THSD7A: variants seen among roughly 807,000 people sequenced by gnomAD.
The protein encoded by THSD7A is thrombospondin type 1 domain containing 7A, also known as thrombospondin type-1 domain-containing protein 7A.
In THSD7A, 96 loss-of-function variants were observed where a neutral mutation model predicts 231.3. That is an observed-to-expected ratio of 0.41 (90% CI 0.35 to 0.49). The LOEUF is 0.49. THSD7A is among the 20% of genes least tolerant of loss of function. The pLI, the probability that THSD7A is intolerant of heterozygous loss-of-function variation, is 0.05. For synonymous variants in THSD7A, 940 were observed against 743.3 expected (o/e 1.26, Z -4.30); for missense variants, 2,290 against 2,070.2 (o/e 1.11, Z -2.06).
rs1289225186 is a variant in THSD7A, at chr7:11,637,939, T to C, written c.191-978A>G. Among the ~76,000 whole-genome samples the C allele has an allele frequency of 6.6e-6, 1 of 152,154 alleles. No homozygotes were observed. Among genetic ancestry groups the C allele is most frequent in the Non-Finnish European group, 1.5e-5 (1 of 68,020 alleles). ...TTTGGAATCATAAAGAAACTTAAAG[T>C]TCATGTAAGTACATGATTTTCAAAA... is the stretch of plus-strand genomic sequence containing the variant. On this transcript the variant is annotated intron_variant, in intron 1 of 27. Transcript: ENST00000423059. This position sits in a 1 kb window ranked among gnomAD's most constrained non-coding sequence, Gnocchi z 4.2.
At chr7:11,410,657 TA>T (rs1312385467) in intron 19 of THSD7A, 7 of 152,394 alleles carry the variant, frequency 4.6e-5, no homozygotes, top group African/African-American at 1.7e-4. Flanking sequence ...ATCAATTAGA[TA>T]ATACCAGTTA....
At chr7:11,806,034 G>A (rs566173165) in intron 1 of THSD7A, among the ~76,000 whole-genome samples, 26 of 152,234 alleles carry the variant, frequency 1.7e-4, no homozygotes, top group African/African-American at 6.3e-4. Flanking sequence ...AACAAAAGTA[G>A]TTCTAATTGT....
intron 18 of THSD7A, 23 bp downstream of exon 18, chr7:11,412,631 CGT>C: frequency 2.5e-6 from 4 of 1,612,910 alleles, no homozygotes; most frequent in Non-Finnish European, 3.4e-6. Context: ...GACTTAACTC[CGT>C]GATCAGATGA....
chr7:11,653,242 A>G (rs1782575244), intron 1 of THSD7A, among the ~76,000 whole-genome samples: 1 of 151,552 alleles, frequency 6.6e-6, no homozygotes, highest in East Asian at 1.9e-4. Context: ...TCAAAATTTG[A>G]GAATTTAAGA....
intron 1 of THSD7A, among the ~76,000 whole-genome samples, chr7:11,777,830 A>T (rs917122936): frequency 3.9e-5 from 6 of 152,134 alleles, no homozygotes; most frequent in Admixed American, 2.6e-4. Context: ...CCATGGAGGC[A>T]GGCAAAACTG....
At chr7:11,398,484 G>T (rs1391350302) in intron 23 of THSD7A, among the ~76,000 whole-genome samples, 2 of 152,018 alleles carry the variant, frequency 1.3e-5, no homozygotes, top group Non-Finnish European at 2.9e-5. Flanking sequence ...CATGGCATGT[G>T]TATACCTGTG....
At chr7:11,567,877 C>G (rs1472503105) in intron 4 of THSD7A, among the ~76,000 whole-genome samples, 1 of 152,134 alleles carries the variant, frequency 6.6e-6, no homozygotes, top group Non-Finnish European at 1.5e-5. Context: ...TAAGCTCTTC[C>G]TTTACTTAAA....
chr7:11,750,935 T>C (rs1283701890), intron 1 of THSD7A, among the ~76,000 whole-genome samples: 4 of 151,960 alleles, frequency 2.6e-5, no homozygotes, highest in Non-Finnish European at 4.4e-5. Context: ...TAAATTTCAG[T>C]TAAGGGGTAA....
rs995669798 is a variant in THSD7A at position 11,823,129 on chromosome 7, A to G, written c.190+8628T>C. ...TAATCCCTCTTGGGTAGATTTTTGT[A>G]TGTAATGAGAGATAGGGGTCTAGTT... is the stretch of plus-strand genomic sequence containing the variant. On this transcript the variant is annotated intron_variant, in intron 1 of 27. Transcript: ENST00000423059. Among the ~76,000 whole-genome samples the G allele has an allele frequency of 2.6e-5, 4 of 152,020 alleles. No homozygotes were observed. In the South Asian group the frequency reaches 8.3e-4, roughly 31 times the overall value.
rs1180045128 is a variant in THSD7A at position 11,403,575 on chromosome 7, T to C, written c.4238-1607A>G. ...AAAAAAATTCCTGTCAATATGAATG[T>C]AATAAAATTTCACCTCAGTGATTGA... is the stretch of plus-strand genomic sequence containing the variant. On this transcript the variant is annotated intron_variant, in intron 22 of 27. Coordinates refer to ENST00000423059, the MANE Select transcript of THSD7A (RefSeq NM_015204.3). Among the ~76,000 whole-genome samples, 5 of 152,246 alleles carry C rather than the reference T, an allele frequency of 3.3e-5. No individual in the cohort carries two copies. In the East Asian group the frequency reaches 9.6e-4, roughly 29 times the overall value.
At chr7:11,768,091 G>A (rs555593784) in intron 1 of THSD7A, among the ~76,000 whole-genome samples, 7 of 152,244 alleles carry the variant, frequency 4.6e-5, no homozygotes, top group African/African-American at 1.7e-4. Context: ...TATCTGATAA[G>A]TAATGTGCAA....
Position 11,474,890 on chromosome 7 carries a change from C to G in THSD7A, c.2018-322G>C, listed in dbSNP as rs1786094440. ...TAGTATAACTGGGATTCAAGGAGTA[C>G]AATTTCACTACTTTTTGGAGTCTGA... On this transcript the variant is annotated intron_variant, in intron 7 of 27. Coordinates refer to ENST00000423059, the MANE Select transcript of THSD7A (RefSeq NM_015204.3). The surrounding 1 kb of genome is among the most constrained non-coding windows in gnomAD (Gnocchi z 4.1). Among the ~76,000 whole-genome samples the G allele has an allele frequency of 6.6e-6, 1 of 152,028 alleles. No homozygotes were observed. The highest frequency in any genetic ancestry group is 2.1e-4 in the South Asian group (1 of 4,824).
In THSD7A at chr7:11,401,878, A is replaced by G; in HGVS notation, c.4328T>C (p.Val1443Ala). The G allele has an allele frequency of 6.2e-7, 1 of 1,613,942 alleles. No individual in the cohort carries two copies. Among genetic ancestry groups the G allele is most frequent in the South Asian group, 1.1e-5 (1 of 91,086 alleles). ...GEDLGFGGIQVRSRPVIIQEL... is the reference protein window; with the variant it reads ...GEDLGFGGIQARSRPVIIQEL... Reference sequence around the variant, plus strand: ...TTGTATAATCACCGGTCTGGATCTGACCTGTATTCCACCAAAGCCTAGATC... The same window carrying G: ...TTGTATAATCACCGGTCTGGATCTGGCCTGTATTCCACCAAAGCCTAGATC... Residue 1443 changes from valine to alanine, a missense_variant, in exon 23 of 28, where the codon GTC becomes GCC. Transcript: ENST00000423059.
intron 1 of THSD7A, among the ~76,000 whole-genome samples, chr7:11,779,038 A>G (rs1231074988): frequency 6.6e-6 from 1 of 152,136 alleles, no homozygotes; most frequent in Non-Finnish European, 1.5e-5. Flanking sequence ...TTCTGTGGTG[A>G]TTTCCTAGGT....
chr7:11,811,342 A>C (rs1340012070), intron 1 of THSD7A, among the ~76,000 whole-genome samples: 1 of 152,200 alleles, frequency 6.6e-6, no homozygotes, highest in Non-Finnish European at 1.5e-5. Flanking sequence ...TTTTATACTT[A>C]AGGAGTAAAA....
chr7:11,812,442 T>C (rs893746641), intron 1 of THSD7A, among the ~76,000 whole-genome samples: 1 of 152,164 alleles, frequency 6.6e-6, no homozygotes, highest in Non-Finnish European at 1.5e-5. Context: ...TATTTAATTA[T>C]AGGGCAACGG....
At chr7:11,622,366 T>C (rs1781339302) in intron 2 of THSD7A, among the ~76,000 whole-genome samples, 1 of 152,080 alleles carries the variant, frequency 6.6e-6, no homozygotes, top group South Asian at 2.1e-4. Context: ...TTTATTATTA[T>C]TAATAAAATT....
chr7:11,397,097 A>C (rs1184573962), intron 23 of THSD7A, among the ~76,000 whole-genome samples: 1 of 152,072 alleles, frequency 6.6e-6, no homozygotes, highest in Admixed American at 6.6e-5. Flanking sequence ...CATGCTAAAA[A>C]CTCTCAATAA....
chr7:11,474,586 GA>G lies in THSD7A; in HGVS notation c.2018-19del, dbSNP rs1562639046. ...AATTCCACCTAAAAACATGGACAATGATAGCAAATTAGATACGGTGCCAACA... is the reference window on the plus strand; with the variant it reads ...AATTCCACCTAAAAACATGGACAATGTAGCAAATTAGATACGGTGCCAACA... On this transcript the variant is annotated intron_variant, in intron 7 of 27. Transcript: ENST00000423059. The surrounding 1 kb of genome is among the most constrained non-coding windows in gnomAD (Gnocchi z 4.1). The G allele has an allele frequency of 1.3e-6, 2 of 1,573,336 alleles. No homozygotes were observed. The highest frequency in any genetic ancestry group is 2.3e-5 in the South Asian group (2 of 88,058).
Sources: allele counts gnomAD v4.1 joint callset (sites outside exome capture counted in the v4.1 genomes callset), GRCh38; gene constraint gnomAD v4.1.1; non-coding constraint Gnocchi (gnomAD v3.1); transcripts MANE v1.5; gene names NCBI Gene and HGNC (gene_info 2026-07-23, HGNC 2026-07-21).